PDE10A: variants seen among roughly 807,000 people sequenced by gnomAD.
PDE10A encodes cAMP and cAMP-inhibited cGMP 3',5'-cyclic phosphodiesterase 10A.
In PDE10A, 39 loss-of-function variants were observed where a neutral mutation model predicts 97.7. The ratio of observed to expected loss-of-function variants is 0.40; its 90% CI spans 0.31 to 0.52. PDE10A has a LOEUF of 0.52. PDE10A is among the 20% of genes least tolerant of loss of function. The pLI is 0.56. For missense variants in PDE10A, 731 were observed against 1,047.8 expected (o/e 0.70, Z 4.17); for synonymous variants, 371 against 376.8 (o/e 0.98, Z 0.18).
chr6:165,857,515 G>A (rs965213759), intron 1 of PDE10A, among the ~76,000 whole-genome samples: 1 of 152,154 alleles, frequency 6.6e-6, no homozygotes, highest in Non-Finnish European at 1.5e-5. Context: ...ACTAGTAATG[G>A]GTCCCCATTG....
chr6:165,691,187 CCCTCTCTCTCTCTCCCCACA>C (rs1562687160), intron 1 of PDE10A, among the ~76,000 whole-genome samples: 1 of 10,230 alleles, frequency 9.8e-5, no homozygotes, highest in Non-Finnish European at 4.7e-4. Flanking sequence ...CTCTCTCTCT[CCCTCTCTCTCTCTCCCCACA>C]CACACACACA....
chr6:165,961,503 G>C (rs1455917698), intron 1 of PDE10A, among the ~76,000 whole-genome samples: 4 of 152,164 alleles, frequency 2.6e-5, no homozygotes, highest in Non-Finnish European at 5.9e-5. Flanking sequence ...GATCACTGCT[G>C]GTTACCCACG....
At position 165,959,109 on chromosome 6, in the gene PDE10A, C is replaced by T. The variant is rs997329998; in HGVS notation, c.-615+28420G>A. 7.2e-5 allele frequency among the ~76,000 whole-genome samples: 11 copies of T among 152,300 alleles called. No homozygotes were observed. The East Asian group carries it at 1.7e-3, about 24-fold the overall frequency. ...CTTCTGAACATAGCAGAGTTTGAAG[C>T]TCAACACTTCTGCCCCAGGCTGTTC... On this transcript the variant is annotated intron_variant, in intron 1 of 19. Transcript: ENST00000366882.
chr6:165,485,550 T>G (rs116334383), intron 2 of PDE10A, among the ~76,000 whole-genome samples: 294 of 151,050 alleles, frequency 1.9e-3, no homozygotes, highest in African/African-American at 6.9e-3. Context: ...AGGCAATTAT[T>G]GAAGGCCACC....
intron 1 of PDE10A, among the ~76,000 whole-genome samples, chr6:165,552,012 C>T (rs1427408505): frequency 6.6e-6 from 1 of 152,068 alleles, no homozygotes; most frequent in Non-Finnish European, 1.5e-5. Context: ...GCTATCTGCC[C>T]TCAATCCCCT....
chr6:165,420,822 C>T (rs1273529437), intron 10 of PDE10A, among the ~76,000 whole-genome samples: 1 of 152,180 alleles, frequency 6.6e-6, no homozygotes, highest in Admixed American at 6.5e-5. Context: ...AAATCTTCAA[C>T]AAATTCCCGT....
At chr6:165,525,671 A>G (rs1782397259) in intron 2 of PDE10A, among the ~76,000 whole-genome samples, 2 of 152,176 alleles carry the variant, frequency 1.3e-5, no homozygotes, top group African/African-American at 4.8e-5. Context: ...AACCACAGTC[A>G]CTCAAATACC....
At chr6:165,777,398 A>G (rs1562731642) in intron 1 of PDE10A, among the ~76,000 whole-genome samples, 2 of 152,232 alleles carry the variant, frequency 1.3e-5, no homozygotes, top group African/African-American at 2.4e-5. Context: ...AGGTTTTCCT[A>G]TAGGACCCTT....
intron 1 of PDE10A, among the ~76,000 whole-genome samples, chr6:165,568,449 C>T (rs540925004): frequency 6.6e-6 from 1 of 152,230 alleles, no homozygotes; most frequent in Non-Finnish European, 1.5e-5. Context: ...CTAAATTGTG[C>T]ACTGCTCTGA....
chr6:165,555,124 A>G (rs1784189641), intron 1 of PDE10A, among the ~76,000 whole-genome samples: 1 of 152,138 alleles, frequency 6.6e-6, no homozygotes, highest in Non-Finnish European at 1.5e-5. Context: ...TAGGGTGACT[A>G]TAGTCAATAA....
At chr6:165,358,590 G>A (rs770314334) in intron 18 of PDE10A, among the ~76,000 whole-genome samples, 5 of 150,776 alleles carry the variant, frequency 3.3e-5, no homozygotes, top group Admixed American at 6.6e-5. Context: ...AAGTGCATAC[G>A]TCATAGACAA....
chr6:165,540,239 A>C (rs1358888617), intron 2 of PDE10A, among the ~76,000 whole-genome samples: 1 of 152,192 alleles, frequency 6.6e-6, no homozygotes, highest in African/African-American at 2.4e-5. Context: ...CTTCCCTTTG[A>C]AAGTTTAGCC....
intron 1 of PDE10A, among the ~76,000 whole-genome samples, chr6:165,905,576 A>G (rs145267627): frequency 0.011 from 1,724 of 152,282 alleles, 27 homozygotes; most frequent in African/African-American, 0.037. Context: ...TTAAAAATAC[A>G]TATGTTTATA....
chr6:165,525,275 A>T (rs1782369979), intron 2 of PDE10A, among the ~76,000 whole-genome samples: 1 of 152,204 alleles, frequency 6.6e-6, no homozygotes, highest in Non-Finnish European at 1.5e-5. Flanking sequence ...TGGTGGAAGA[A>T]ACATAAAATT....
chr6:165,435,327 G>A lies in PDE10A; in HGVS notation c.1245C>T (p.Leu415=), dbSNP rs1025216646. Reference sequence around the variant, plus strand: ...CCTGAGTGATGGGCCCAGCAGGGATGAGGCGGGGTTTTCCTTCCTTTATCC... The same window carrying A: ...CCTGAGTGATGGGCCCAGCAGGGATAAGGCGGGGTTTTCCTTCCTTTATCC... ...PPGIKEGKPR[L]IPAGPITQGT... Residue 415 remains leucine, a synonymous_variant, in exon 6 of 22, where the codon CTC becomes CTT. Coordinates refer to ENST00000539869, the MANE Select transcript of PDE10A (RefSeq NM_001385079.1). 7.4e-6 allele frequency: 12 copies of A among 1,613,868 alleles called. No homozygotes were observed. Among genetic ancestry groups the A allele is most frequent in the Non-Finnish European group, 1.0e-5 (12 of 1,179,860 alleles).
Position 165,825,580 on chromosome 6 carries a change from T to C in PDE10A, c.-615+161949A>G, listed in dbSNP as rs570187809. Among the ~76,000 whole-genome samples, 4 of 152,350 alleles carry C rather than the reference T, an allele frequency of 2.6e-5. No homozygotes were observed. The South Asian group carries it at 8.3e-4, about 32-fold the overall frequency. On this transcript the variant is annotated intron_variant, in intron 1 of 19. Transcript: ENST00000366882. Reference sequence around the variant, plus strand: ...CTCCTGCTGGGCCTCTCCAGCCATCTGGGCGGCCACAAAACAAAGACCAAC... The same window carrying C: ...CTCCTGCTGGGCCTCTCCAGCCATCCGGGCGGCCACAAAACAAAGACCAAC...
chr6:165,574,184 G>C (rs1051081130), intron 1 of PDE10A, among the ~76,000 whole-genome samples: 19 of 151,738 alleles, frequency 1.3e-4, no homozygotes, highest in African/African-American at 4.1e-4. Context: ...CTGTATATGA[G>C]AACCACTTCC....
intron 1 of PDE10A, among the ~76,000 whole-genome samples, chr6:165,730,573 G>A (rs1000476422): frequency 2.0e-5 from 3 of 151,768 alleles, no homozygotes; most frequent in Admixed American, 6.6e-5. Flanking sequence ...CCAACATGGT[G>A]AAACCCGGTC....
chr6:165,907,173 A>G (rs879719975), intron 1 of PDE10A, among the ~76,000 whole-genome samples: 4 of 152,138 alleles, frequency 2.6e-5, no homozygotes, highest in Non-Finnish European at 5.9e-5. Context: ...TGGGGCCAAA[A>G]CCCTGGCTGC....
Sources: gnomAD v4.1 joint callset for allele counts (sites outside exome capture counted in the v4.1 genomes callset) on GRCh38, gnomAD v4.1.1 for gene constraint, MANE v1.5 for transcripts, NCBI Gene and HGNC (gene_info 2026-07-23, HGNC 2026-07-21) for gene names.